DYSF: variants seen among roughly 807,000 people sequenced by gnomAD.
The protein encoded by DYSF is dysferlin.
Under a neutral mutation model 274.9 loss-of-function variants are expected in DYSF, and 212 were observed. The observed-to-expected ratio is 0.77, with a 90% CI of 0.69 to 0.86. The LOEUF is 0.86. Ranked by LOEUF, DYSF falls within the 40% of genes least tolerant of loss-of-function variation. The pLI, the probability that DYSF is intolerant of heterozygous loss-of-function variation, is 0.00. For synonymous variants in DYSF, 1,091 were observed against 1,078.7 expected (o/e 1.01, Z -0.22); for missense variants, 2,666 against 2,783.2 (o/e 0.96, Z 0.95).
chr2:71,624,467 T>TATAAA (rs1355693077), intron 41 of DYSF, among the ~76,000 whole-genome samples: 6 of 152,246 alleles, frequency 3.9e-5, no homozygotes, highest in Non-Finnish European at 8.8e-5. Flanking sequence ...AAAAGGCTTT[T>TATAAA]CAGGTGTACT....
At chr2:71,682,074 A>G (rs1023234572) in intron 54 of DYSF, among the ~76,000 whole-genome samples, 4 of 151,676 alleles carry the variant, frequency 2.6e-5, no homozygotes, top group African/African-American at 2.4e-5. Context: ...CCAGCTTCCT[A>G]TGTTCTCTTC....
chr2:71,573,009 CTG>C, intron 29 of DYSF, among the ~76,000 whole-genome samples: 3 of 152,338 alleles, frequency 2.0e-5, no homozygotes, highest in Non-Finnish European at 2.9e-5. Context: ...ACACAGGGGC[CTG>C]TGCACTGCAC....
chr2:71,627,348 T>C (rs1245777801), intron 41 of DYSF, among the ~76,000 whole-genome samples: 1 of 152,090 alleles, frequency 6.6e-6, no homozygotes, highest in Non-Finnish European at 1.5e-5. Flanking sequence ...ACCTAAATTG[T>C]CTAAAAATAT....
intron 17 of DYSF, among the ~76,000 whole-genome samples, chr2:71,545,665 C>T (rs891519887): frequency 6.6e-6 from 1 of 152,156 alleles, no homozygotes; most frequent in Non-Finnish European, 1.5e-5. Flanking sequence ...CAGGGGCAGA[C>T]AGTGGTGGGG....
intron 3 of DYSF, among the ~76,000 whole-genome samples, chr2:71,497,132 C>T (rs545476165): frequency 2.0e-5 from 3 of 152,340 alleles, no homozygotes; most frequent in East Asian, 1.9e-4. Flanking sequence ...ACAGATTCAT[C>T]GTGCTGGCTG....
Position 71,553,132 on chromosome 2 carries a change from A to C in DYSF, c.1928A>C (p.Asp643Ala), listed in dbSNP as rs768099866. ...ATCGGGAACTACGGGAACAAGTTCG[A>C]CATGACCTGCCTGCCGCTGGCCTCC... Reference protein sequence around the residue: ...VSIGNYGNKFDMTCLPLASTT... With the variant: ...VSIGNYGNKFAMTCLPLASTT... Residue 643 changes from aspartate to alanine, a missense_variant, in exon 20 of 56, where the codon GAC becomes GCC. Physicochemically the swap from Asp to Ala is moderately radical, Grantham distance 126. Coordinates refer to ENST00000410020, the MANE Select transcript of DYSF (RefSeq NM_001130987.2). 10 of 1,614,074 alleles carry C rather than the reference A, an allele frequency of 6.2e-6. No individual in the cohort carries two copies. The South Asian group carries it at 1.1e-4, about 18-fold the overall frequency.
At chr2:71,618,452 GGGGTT>G (rs2093988087) in intron 40 of DYSF, among the ~76,000 whole-genome samples, 2 of 3,232 alleles carry the variant, frequency 6.2e-4, no homozygotes, top group African/African-American at 1.3e-3. Flanking sequence ...TGGTAGAGGT[GGGGTT>G]GTGTGTGTGT....
At chr2:71,611,711 C>T in intron 38 of DYSF, 85 bp downstream of exon 38, 1 of 1,518,658 alleles carries the variant, frequency 6.6e-7, no homozygotes, top group Non-Finnish European at 8.9e-7. Flanking sequence ...GGCTTGTGCT[C>T]CAATTCCCTG....
intron 36 of DYSF, among the ~76,000 whole-genome samples, chr2:71,606,421 A>G (rs1430095495): frequency 6.6e-6 from 1 of 152,000 alleles, no homozygotes; most frequent in Non-Finnish European, 1.5e-5. Flanking sequence ...AGGACAGTGA[A>G]TCAGGATGTT....
intron 1 of DYSF, among the ~76,000 whole-genome samples, chr2:71,461,182 T>C (rs2081271013): frequency 6.6e-6 from 1 of 152,098 alleles, no homozygotes; most frequent in South Asian, 2.1e-4. Context: ...AACTCCACAG[T>C]CTAGCTAGAC....
At chr2:71,566,425 C>T (rs1014312018) in intron 24 of DYSF, among the ~76,000 whole-genome samples, 5 of 151,740 alleles carry the variant, frequency 3.3e-5, no homozygotes, top group East Asian at 1.9e-4. Flanking sequence ...TTATGAGCCC[C>T]GCCAGTAGCT....
chr2:71,673,507 G>A (rs960704081), intron 51 of DYSF, among the ~76,000 whole-genome samples: 2 of 152,178 alleles, frequency 1.3e-5, no homozygotes, highest in Non-Finnish European at 2.9e-5. Flanking sequence ...GGGTGGGGTG[G>A]AGAGGGAGGA....
At chr2:71,457,281 AGC>A (rs2081107794) in intron 1 of DYSF, among the ~76,000 whole-genome samples, 1 of 152,226 alleles carries the variant, frequency 6.6e-6, no homozygotes, top group Non-Finnish European at 1.5e-5. Flanking sequence ...CATATGTGGT[AGC>A]AACTGTCATC....
chr2:71,513,192 C>T (rs1399871622), intron 5 of DYSF, 48 bp from the exon 6 acceptor site: 1 of 1,542,108 alleles, frequency 6.5e-7, no homozygotes, highest in East Asian at 2.4e-5. Flanking sequence ...TTCCTTCACC[C>T]CAACCTCCTC....
chr2:71,648,103 A>G (rs942859348), intron 42 of DYSF, among the ~76,000 whole-genome samples: 3 of 152,252 alleles, frequency 2.0e-5, no homozygotes, highest in Non-Finnish European at 4.4e-5. Context: ...CCTGAATTCA[A>G]AAATCCTGCA....
intron 36 of DYSF, chr2:71,610,881 C>G: frequency 2.9e-6 from 1 of 344,866 alleles, no homozygotes; most frequent in South Asian, 2.4e-5. Context: ...GTGGATCTGC[C>G]AGGATGGAAT....
intron 21 of DYSF, 149 bp from the exon 22 acceptor site, chr2:71,555,816 C>G (rs1447022726): frequency 1.6e-5 from 11 of 698,626 alleles, no homozygotes; most frequent in Non-Finnish European, 2.6e-5. Flanking sequence ...AGGATAGACC[C>G]TGGTTTGTTG....
At chr2:71,673,882 G>A (rs1274459885) in intron 51 of DYSF, among the ~76,000 whole-genome samples, 2 of 152,164 alleles carry the variant, frequency 1.3e-5, no homozygotes, top group Non-Finnish European at 2.9e-5. Flanking sequence ...CAGACCTCAG[G>A]CACATTCCTT....
chr2:71,499,743 G>A (rs1032060887), intron 3 of DYSF, among the ~76,000 whole-genome samples: 4 of 152,010 alleles, frequency 2.6e-5, no homozygotes, highest in African/African-American at 9.7e-5. Context: ...CGGCTCTTTC[G>A]GTCCCCACAC....
Sources: allele counts gnomAD v4.1 joint callset (sites outside exome capture counted in the v4.1 genomes callset), GRCh38; gene constraint gnomAD v4.1.1; transcripts MANE v1.5; gene names NCBI Gene and HGNC (gene_info 2026-07-23, HGNC 2026-07-21).